DNAH5: variants seen among roughly 807,000 people sequenced by gnomAD.
DNAH5 encodes axonemal beta dynein heavy chain 5.
Under a neutral mutation model 518.2 loss-of-function variants are expected in DNAH5, and 372 were observed. That is an observed-to-expected ratio of 0.72 (90% CI 0.66 to 0.78). The LOEUF is 0.78. Ranked by LOEUF, DNAH5 falls within the 30% of genes least tolerant of loss-of-function variation. The pLI, the probability that DNAH5 is intolerant of heterozygous loss-of-function variation, is 0.00. For missense variants in DNAH5, 5,523 were observed against 5,687.0 expected, an observed-to-expected ratio of 0.97 and a Z score of 0.93; for synonymous variants, 2,039 against 2,025.9, an observed-to-expected ratio of 1.01 and a Z score of -0.17.
Position 13,870,790 on chromosome 5 carries a change from C to G in DNAH5, c.3811G>C (p.Asp1271His). The G allele has an allele frequency of 6.2e-7, 1 of 1,613,608 alleles. No homozygotes were observed. The highest frequency in any genetic ancestry group is 1.7e-5 in the Admixed American group (1 of 59,938). The change falls in exon 24 of 79, where the codon GAC becomes CAC. Residue 1271 changes from aspartate to histidine, a missense_variant. By Grantham distance (81) the Asp-to-His change is moderately conservative. Coordinates refer to ENST00000265104, the MANE Select transcript of DNAH5 (RefSeq NM_001369.3). ...ACCTCAATAGGTCCTACTTGAAAGTCAATGGAGATTTGCTCCTCCCTTATT... is the reference window on the plus strand; with the variant it reads ...ACCTCAATAGGTCCTACTTGAAAGTGAATGGAGATTTGCTCCTCCCTTATT... ...KEIREEQISI[D>H]FQVGPIEESY...
chr5:13,865,837 C>A lies in DNAH5; in HGVS notation c.4186G>T (p.Ala1396Ser), dbSNP rs1038933265. 4 of 1,613,672 alleles carry A rather than the reference C, an allele frequency of 2.5e-6. No individual in the cohort carries two copies. The African/African-American group carries it at 5.3e-5, about 22-fold the overall frequency. ...TGGEELFGLP[A>S]TQYPQLLEIK... ...TCAAGAAGCTGAGGATACTGTGTAG[C>A]TGGCAGGCCAAAAAGCTCCTCTCCT... is the stretch of plus-strand genomic sequence containing the variant. The change falls in exon 27 of 79, where the codon GCT becomes TCT. Residue 1396 changes from alanine to serine, a missense_variant. Physicochemically the swap from Ala to Ser is moderately conservative, Grantham distance 99 (BLOSUM62 1). Around this residue, in one of 3 missense-constraint regions of DNAH5, gnomAD observed 5,121 missense variants for 5,223.3 expected, o/e 0.98. Transcript: ENST00000265104.
At chr5:13,974,689 C>T (rs952345171) in intron 1 of DNAH5, among the ~76,000 whole-genome samples, 25 of 152,140 alleles carry the variant, frequency 1.6e-4, no homozygotes, top group African/African-American at 5.8e-4. Flanking sequence ...TGCTACCCAC[C>T]CTCTTTTCCT....
At chr5:13,776,733 T>C in intron 54 of DNAH5, 27 bp from the exon 55 acceptor site, 3 of 1,612,036 alleles carry the variant, frequency 1.9e-6, no homozygotes, top group Non-Finnish European at 2.5e-6. Context: ...GGCATGCAAA[T>C]TCAGTACACA....
At chr5:13,787,203 CAA>C (rs202066683) in intron 51 of DNAH5, among the ~76,000 whole-genome samples, 46 of 107,510 alleles carry the variant, frequency 4.3e-4, no homozygotes, top group Admixed American at 7.7e-4. Flanking sequence ...GACTCTGTTT[CAA>C]AAAAAAAAAA....
rs148720124 is a variant in DNAH5, at chr5:13,793,948, C to T, written c.7998G>A (p.Glu2666=). 2 of 1,613,994 alleles carry T rather than the reference C, an allele frequency of 1.2e-6. No individual in the cohort carries two copies. Among genetic ancestry groups the T allele is most frequent in the South Asian group, 1.1e-5 (1 of 91,072 alleles). The change falls in exon 48 of 79, where the codon GAG becomes GAA. Residue 2666 remains glutamate (E), a synonymous_variant. Coordinates refer to ENST00000265104, the MANE Select transcript of DNAH5 (RefSeq NM_001369.3). ...AGAATGATGATACCTGATCTCCCCA[C>T]TCATTGATTATTGGCATATTCACAT... The part of the protein sequence containing the change: ...IDDVNMPIIN[E]WGDQVTNEIV...
intron 1 of DNAH5, among the ~76,000 whole-genome samples, chr5:13,939,456 A>G (rs1410027840): frequency 1.3e-5 from 2 of 152,148 alleles, no homozygotes; most frequent in East Asian, 1.9e-4. Flanking sequence ...GTTGAATTAG[A>G]GAAACTGAGG....
chr5:13,835,762 CCT>C (rs1313066623), intron 35 of DNAH5, among the ~76,000 whole-genome samples: 5 of 152,280 alleles, frequency 3.3e-5, no homozygotes, highest in African/African-American at 1.2e-4. Flanking sequence ...AGCACCCCTC[CCT>C]CTGTCTCTGT....
intron 61 of DNAH5, among the ~76,000 whole-genome samples, chr5:13,755,107 A>G (rs1354435200): frequency 1.3e-5 from 2 of 152,066 alleles, no homozygotes; most frequent in Non-Finnish European, 2.9e-5. Context: ...GTGCCACTCA[A>G]ATCCGCTCAA....
intron 65 of DNAH5, among the ~76,000 whole-genome samples, chr5:13,743,934 ACT>A (rs965393951): frequency 3.9e-5 from 6 of 152,032 alleles, no homozygotes; most frequent in African/African-American, 1.4e-4. Context: ...GGATACACAC[ACT>A]GAAACAAATA....
Position 13,838,766 on chromosome 5 carries a change from G to A in DNAH5, c.5882+590C>T, listed in dbSNP as rs1764757830. Among the ~76,000 whole-genome samples the A allele has an allele frequency of 2.0e-5, 3 of 152,088 alleles. No homozygotes were observed. The South Asian group carries it at 6.2e-4, about 32-fold the overall frequency. Reference sequence around the variant, plus strand: ...CCACCCCCTGGTCTGTAGAAAAATTGTCTTCCACGAGACCAATCCCTGGTG... The same window carrying A: ...CCACCCCCTGGTCTGTAGAAAAATTATCTTCCACGAGACCAATCCCTGGTG... On this transcript the variant is annotated intron_variant, in intron 35 of 78. Transcript: ENST00000265104.
upstream of DNAH5, among the ~76,000 whole-genome samples, chr5:13,945,766 C>A (rs116127631): frequency 2.0e-5 from 3 of 152,062 alleles, no homozygotes; most frequent in Admixed American, 6.5e-5. Context: ...TCACAACACG[C>A]GGCTAATTTT....
At chr5:14,006,795 GCTGA>G (rs1187495709) in intron 1 of DNAH5, among the ~76,000 whole-genome samples, 1 of 152,180 alleles carries the variant, frequency 6.6e-6, no homozygotes, top group Non-Finnish European at 1.5e-5. Flanking sequence ...AGTGCTGTGG[GCTGA>G]CTGACAGGAG....
At chr5:13,911,080 G>T (rs1486518295) in intron 12 of DNAH5, among the ~76,000 whole-genome samples, 1 of 152,172 alleles carries the variant, frequency 6.6e-6, no homozygotes, top group Non-Finnish European at 1.5e-5. Flanking sequence ...GGAAATAAGA[G>T]TCTACATTCC....
chr5:13,718,738 A>G, intron 72 of DNAH5, 144 bp downstream of exon 72: 1 of 732,138 alleles, frequency 1.4e-6, no homozygotes, highest in Non-Finnish European at 2.4e-6. Flanking sequence ...ACATATTCAC[A>G]AAAGAGGACC....
intron 75 of DNAH5, among the ~76,000 whole-genome samples, chr5:13,713,848 T>G (rs936030472): frequency 6.6e-6 from 1 of 152,074 alleles, no homozygotes; most frequent in Non-Finnish European, 1.5e-5. Flanking sequence ...AAAAAAACTT[T>G]TGAAAATTAA....
chr5:13,738,933 A>G (rs1362858542), intron 65 of DNAH5, among the ~76,000 whole-genome samples: 3 of 152,144 alleles, frequency 2.0e-5, no homozygotes, highest in Non-Finnish European at 4.4e-5. Flanking sequence ...TCCATTGACA[A>G]TTTGCCTATG....
chr5:13,922,907 T>C (rs933214276), intron 4 of DNAH5, among the ~76,000 whole-genome samples: 1 of 151,874 alleles, frequency 6.6e-6, no homozygotes, highest in East Asian at 1.9e-4. Context: ...CTTGTACAGA[T>C]GCATTTTACT....
At chr5:13,863,724 CT>C (rs1768811138) in intron 28 of DNAH5, among the ~76,000 whole-genome samples, 1 of 152,160 alleles carries the variant, frequency 6.6e-6, no homozygotes, top group South Asian at 2.1e-4. Context: ...TCAATTATTT[CT>C]CCAAAGATCA....
rs756916372 is a variant in DNAH5 at position 13,867,777 on chromosome 5, A to C, written c.4050T>G (p.Asp1350Glu). The change falls in exon 25 of 79, where the codon GAT becomes GAG. Residue 1350 changes from aspartate to glutamate, a missense_variant. Physicochemically the swap from Asp to Glu is conservative, Grantham distance 45. This residue lies in a region of DNAH5 where 5,121 missense variants were observed against 5,223.3 expected (regional missense o/e 0.98). Coordinates refer to ENST00000265104, the MANE Select transcript of DNAH5 (RefSeq NM_001369.3). ...QDCHQFYLDY[D>E]LNGPMASGLK... ...ACAGAGAAAGCCAGAGACATACCAAATCATAGTCCAGATAAAACTGGTGAC... is the reference window on the plus strand; with the variant it reads ...ACAGAGAAAGCCAGAGACATACCAACTCATAGTCCAGATAAAACTGGTGAC... 6.2e-7 allele frequency: 1 copy of C among 1,612,964 alleles called. No individual in the cohort carries two copies. Among genetic ancestry groups the C allele is most frequent in the South Asian group, 1.1e-5 (1 of 91,062 alleles).
Sources: gnomAD v4.1 joint callset for allele counts (sites outside exome capture counted in the v4.1 genomes callset) on GRCh38, gnomAD v4.1.1 for gene constraint, gnomAD v4.1.1 regional missense constraint, MANE v1.5 for transcripts, NCBI Gene and HGNC (gene_info 2026-07-23, HGNC 2026-07-21) for gene names.